Variants in RBFOX1 observed in about 807,000 individuals in gnomAD.
The protein encoded by RBFOX1 is RNA binding fox-1 homolog 1, also known as RNA binding protein fox-1 homolog 1.
RBFOX1 carries 8 observed loss-of-function variants against 57.7 expected under a neutral mutation model. The observed-to-expected ratio is 0.14, with a 90% CI of 0.08 to 0.25. The LOEUF (loss-of-function observed/expected upper bound fraction) is 0.25, where lower values mean the gene tolerates loss of function less well. Ranked by LOEUF, RBFOX1 falls within the 10% of genes least tolerant of loss-of-function variation. The probability of loss-of-function intolerance (pLI) is 1.00; values close to 1 mark genes in which losing one functional copy is unlikely to be tolerated. For missense variants in RBFOX1, 611 were observed against 548.5 expected (o/e 1.11, Z -1.14); for synonymous variants, 326 against 222.4 (o/e 1.47, Z -4.15).
chr16:7,246,981 T>A (rs565671637), intron 4 of RBFOX1, among the ~76,000 whole-genome samples: 1 of 152,174 alleles, frequency 6.6e-6, no homozygotes, highest in African/African-American at 2.4e-5. Context: ...CTATGTATTC[T>A]TTTCCTATTG....
chr16:5,334,669 C>G (rs147261168), intron 1 of RBFOX1, among the ~76,000 whole-genome samples: 9 of 151,998 alleles, frequency 5.9e-5, no homozygotes, highest in African/African-American at 2.2e-4. Flanking sequence ...CACATGTGCA[C>G]ATATATAATA....
At chr16:6,736,633 T>C (rs1003653766) in intron 3 of RBFOX1, among the ~76,000 whole-genome samples, 2 of 152,232 alleles carry the variant, frequency 1.3e-5, no homozygotes, top group African/African-American at 2.4e-5. Flanking sequence ...TGTGCAAGTA[T>C]CTTTTTCAAA....
chr16:5,474,134 G>A (rs1472090585), intron 2 of RBFOX1, among the ~76,000 whole-genome samples: 1 of 152,152 alleles, frequency 6.6e-6, no homozygotes, highest in African/African-American at 2.4e-5. Flanking sequence ...AAGCAAATAA[G>A]AATTTCTTTG....
At chr16:6,927,765 A>T (rs374924068) in intron 3 of RBFOX1, among the ~76,000 whole-genome samples, 9 of 152,074 alleles carry the variant, frequency 5.9e-5, no homozygotes, top group Non-Finnish European at 1.2e-4. Context: ...AAAATCTCCA[A>T]TCATTGTTTT....
intron 4 of RBFOX1, among the ~76,000 whole-genome samples, chr16:7,474,796 T>C (rs541379365): frequency 4.6e-5 from 7 of 152,338 alleles, no homozygotes; most frequent in African/African-American, 1.7e-4. Context: ...TATAAAGCGT[T>C]CACCATGAGG....
intron 1 of RBFOX1, among the ~76,000 whole-genome samples, chr16:6,304,715 T>C (rs930541959): frequency 6.6e-6 from 1 of 151,564 alleles, no homozygotes; most frequent in Non-Finnish European, 1.5e-5. Flanking sequence ...AAACCCTGTC[T>C]CTCTACCAAA....
At chr16:7,703,250 G>A (rs2081352285) in intron 14 of RBFOX1, among the ~76,000 whole-genome samples, 4 of 152,134 alleles carry the variant, frequency 2.6e-5, no homozygotes, top group African/African-American at 7.2e-5. Flanking sequence ...GCAGAGACCC[G>A]GGCCATTCAT....
chr16:5,398,185 G>A (rs1392319315), intron 1 of RBFOX1, among the ~76,000 whole-genome samples: 1 of 152,174 alleles, frequency 6.6e-6, no homozygotes, highest in East Asian at 1.9e-4. Context: ...GCAAGTGTGT[G>A]CCCGTGTGTA....
intron 4 of RBFOX1, among the ~76,000 whole-genome samples, chr16:7,301,824 A>T (rs1401441951): frequency 6.6e-6 from 1 of 152,136 alleles, no homozygotes; most frequent in African/African-American, 2.4e-5. Flanking sequence ...TGGGAAAGGG[A>T]GAGTGAGGAT....
chr16:6,063,189 G>A (rs940044404), intron 1 of RBFOX1, among the ~76,000 whole-genome samples: 1 of 152,086 alleles, frequency 6.6e-6, no homozygotes, highest in East Asian at 1.9e-4. Context: ...ATCTTGATGA[G>A]CTTGATCACT....
chr16:6,501,040 C>T (rs1210180278), intron 2 of RBFOX1, among the ~76,000 whole-genome samples: 3 of 151,626 alleles, frequency 2.0e-5, no homozygotes, highest in African/African-American at 7.3e-5. Flanking sequence ...GATGGTCTCA[C>T]TGCCCATGGG....
At chr16:6,332,091 G>A (rs958026188) in intron 2 of RBFOX1, among the ~76,000 whole-genome samples, 4 of 152,186 alleles carry the variant, frequency 2.6e-5, no homozygotes, top group Non-Finnish European at 5.9e-5. Flanking sequence ...AATTAGTTTA[G>A]TTAGATGTAA....
intron 4 of RBFOX1, among the ~76,000 whole-genome samples, chr16:7,291,176 G>T (rs972544063): frequency 6.6e-6 from 1 of 152,132 alleles, no homozygotes; most frequent in Non-Finnish European, 1.5e-5. Context: ...TACCAGTTAC[G>T]TTGCAAGGTA....
chr16:6,896,559 T>TAA (rs1326754417), intron 3 of RBFOX1, among the ~76,000 whole-genome samples: 18 of 152,182 alleles, frequency 1.2e-4, no homozygotes, highest in Non-Finnish European at 1.8e-4. Flanking sequence ...GTTAACATAA[T>TAA]AATCTCCAGT....
intron 4 of RBFOX1, among the ~76,000 whole-genome samples, chr16:7,209,701 A>G (rs374684595): frequency 3.9e-5 from 6 of 152,182 alleles, no homozygotes; most frequent in East Asian, 1.9e-4. Context: ...CTGGTTCCCT[A>G]TATGCCTCCC....
chr16:6,699,616 G>C (rs561143212), intron 3 of RBFOX1, among the ~76,000 whole-genome samples: 2 of 152,296 alleles, frequency 1.3e-5, no homozygotes, highest in South Asian at 4.2e-4. Flanking sequence ...ACGACGGGAA[G>C]AGTGTTTTTG....
At chr16:5,986,048 T>A (rs949217062) in intron 4 of RBFOX1, among the ~76,000 whole-genome samples, 1 of 141,170 alleles carries the variant, frequency 7.1e-6, no homozygotes, top group Non-Finnish European at 1.5e-5. Flanking sequence ...TTCTATTGAT[T>A]TTTTTCTTTA....
chr16:7,145,852 G>A (rs929649452), intron 4 of RBFOX1, among the ~76,000 whole-genome samples: 2 of 152,080 alleles, frequency 1.3e-5, no homozygotes, highest in African/African-American at 4.8e-5. Context: ...CATATGGCCA[G>A]TCCTCTTCCT....
At chr16:7,142,528 C>T (rs906067240) in intron 4 of RBFOX1, among the ~76,000 whole-genome samples, 6 of 152,170 alleles carry the variant, frequency 3.9e-5, no homozygotes, top group African/African-American at 1.2e-4. Flanking sequence ...CTTCCCTATA[C>T]TGTTCTCCGC....
Sources: allele counts gnomAD v4.1 joint callset (sites outside exome capture counted in the v4.1 genomes callset), GRCh38; gene constraint gnomAD v4.1.1; transcripts MANE v1.5; gene names NCBI Gene and HGNC (gene_info 2026-07-23, HGNC 2026-07-21).